CHCT1: variants seen among roughly 807,000 people sequenced by gnomAD.
CHCT1 encodes CHD1 helical C-terminal domain containing 1, also known as CHD1 helical C-terminal domain containing protein 1.
chr17:60,421,629 T>A, the CHCT1 span: 8 of 974,282 alleles, frequency 8.2e-6, no homozygotes, highest in Non-Finnish European at 9.8e-6. Context: ...GACCCCGCCG[T>A]GTGCCGCCCA....
chr17:60,426,529 T>C, the CHCT1 span: 5 of 1,063,194 alleles, frequency 4.7e-6, no homozygotes, highest in Non-Finnish European at 5.3e-6. Context: ...AACAACTGCG[T>C]GCAGGCGCTC....
At chr17:60,431,291 C>T in the CHCT1 span, 323 of 1,544,254 alleles carry the variant, frequency 2.1e-4, no homozygotes, top group Non-Finnish European at 2.7e-4. Context: ...ACAAAGGGCC[C>T]GCTTGTCCTG....
chr17:60,426,244 G>A, the CHCT1 span: 9 of 1,551,988 alleles, frequency 5.8e-6, no homozygotes, highest in Non-Finnish European at 7.0e-6. Flanking sequence ...AGAAGCTGAA[G>A]TACATGAAGC....
chr17:60,426,086 T>G, the CHCT1 span: 1 of 1,469,028 alleles, frequency 6.8e-7, no homozygotes, highest in Non-Finnish European at 9.2e-7. Flanking sequence ...CAGACCGGTG[T>G]GCTGGATACC....
At chr17:60,425,691 G>T in the CHCT1 span, 2 of 919,010 alleles carry the variant, frequency 2.2e-6, no homozygotes, top group South Asian at 3.0e-5. Context: ...ATGGAGAAGG[G>T]CTTTGGCTGC....
chr17:60,421,905 G>C, the CHCT1 span: 1 of 985,410 alleles, frequency 1.0e-6, no homozygotes, highest in Admixed American at 6.1e-5. Context: ...TGTGTGAAGC[G>C]GGACCGCTGC....
chr17:60,424,480 AAG>A, the CHCT1 span, among the ~76,000 whole-genome samples: 3 of 152,246 alleles, frequency 2.0e-5, no homozygotes, highest in East Asian at 3.8e-4. Flanking sequence ...ATCAGAAAAA[AAG>A]AGGGGAAAAA....
At chr17:60,425,986 C>T in the CHCT1 span, 11 of 1,278,766 alleles carry the variant, frequency 8.6e-6, no homozygotes, top group Non-Finnish European at 1.2e-5. Context: ...CATTGCCCCA[C>T]TTGTCTTACT....
the CHCT1 span, among the ~76,000 whole-genome samples, chr17:60,427,479 G>A: frequency 2.6e-5 from 4 of 151,740 alleles, no homozygotes; most frequent in East Asian, 1.9e-4. Context: ...GTGTCGTGGC[G>A]CGATCTTGGC....
the CHCT1 span, chr17:60,431,295 T>C: frequency 6.5e-7 from 1 of 1,527,328 alleles, no homozygotes; most frequent in African/African-American, 1.4e-5. Flanking sequence ...AGGGCCCGCT[T>C]GTCCTGGCTC....
the CHCT1 span, chr17:60,426,308 C>G: frequency 6.4e-7 from 1 of 1,551,546 alleles, no homozygotes; most frequent in Non-Finnish European, 8.7e-7. Flanking sequence ...GCATTACTGC[C>G]AAGCCTGGGA....
chr17:60,421,971 G>A, the CHCT1 span: 21 of 984,524 alleles, frequency 2.1e-5, no homozygotes, highest in East Asian at 2.0e-3. Context: ...AGGCACTGGC[G>A]GGGATCTTTA....
At chr17:60,427,095 G>A in the CHCT1 span, among the ~76,000 whole-genome samples, 1 of 152,226 alleles carries the variant, frequency 6.6e-6, no homozygotes, top group Non-Finnish European at 1.5e-5. Context: ...AGGGTGAGCT[G>A]GTGGTATTAC....
the CHCT1 span, chr17:60,426,119 C>G: frequency 6.5e-7 from 1 of 1,540,682 alleles, no homozygotes; most frequent in East Asian, 2.4e-5. Context: ...TCTGCCTCTT[C>G]TTTTCTCCCA....
the CHCT1 span, chr17:60,422,281 T>G: frequency 2.3e-6 from 1 of 428,064 alleles, no homozygotes; most frequent in Non-Finnish European, 4.1e-6. Context: ...ACAGTATTCT[T>G]GGGAGAAGGG....
chr17:60,421,820 C>T, the CHCT1 span: 1 of 981,744 alleles, frequency 1.0e-6, no homozygotes, highest in Non-Finnish European at 1.2e-6. Flanking sequence ...GGGACTTTCG[C>T]CGACACCCGG....
At chr17:60,421,679 G>A in the CHCT1 span, 1 of 866,270 alleles carries the variant, frequency 1.2e-6, no homozygotes, top group African/African-American at 1.8e-5. Flanking sequence ...AGGGGCGAGG[G>A]TCCCGGGGCC....
chr17:60,422,152 C>A, the CHCT1 span: 6 of 294,118 alleles, frequency 2.0e-5, no homozygotes, highest in Non-Finnish European at 3.0e-5. Context: ...AAGAATTTTA[C>A]AAACTGTGCT....
the CHCT1 span, chr17:60,421,868 G>A: frequency 1.0e-6 from 1 of 985,474 alleles, no homozygotes; most frequent in Non-Finnish European, 1.2e-6. Flanking sequence ...GGCCGGCGAC[G>A]GGACTTGCCC....
Sources: gnomAD v4.1 joint callset for allele counts (sites outside exome capture counted in the v4.1 genomes callset) on GRCh38, gnomAD v4.1.1 for gene constraint, MANE v1.5 for transcripts, NCBI Gene and HGNC (gene_info 2026-07-23, HGNC 2026-07-21) for gene names.